The following SPART variants were observed in gnomAD, a reference collection of about 807,000 sequenced individuals.
The protein encoded by SPART is spartin.
In SPART, 35 loss-of-function variants were observed where a neutral mutation model predicts 58.7. The observed-to-expected ratio is 0.60, with a 90% CI of 0.46 to 0.79. The LOEUF is 0.79. Ranked by LOEUF, SPART falls within the 30% of genes least tolerant of loss-of-function variation. The pLI is 0.00. For synonymous variants in SPART, 284 were observed against 280.7 expected (o/e 1.01, Z -0.12); for missense variants, 730 against 786.1 (o/e 0.93, Z 0.85).
At position 36,329,443 on chromosome 13, in the gene SPART, T is replaced by C; in HGVS notation, c.1083A>G (p.Leu361=). The C allele has an allele frequency of 6.2e-7, 1 of 1,614,172 alleles. No individual in the cohort carries two copies. Among genetic ancestry groups the C allele is most frequent in the African/African-American group, 1.3e-5 (1 of 75,066 alleles). Residue 361 remains leucine, a synonymous_variant, in exon 4 of 9, where the codon CTA becomes CTG. Coordinates refer to ENST00000438666, the MANE Select transcript of SPART (RefSeq NM_015087.5). ...TCACATCAGTGCCAGAGGCTTCTTT[T>C]AGTTGGTCAGAGGAGGGTCTAGTTC... The part of the protein sequence containing the change: ...PGRTRPSSDQ[L]KEASGTDVKQ...
At position 36,304,500 on chromosome 13, in the gene SPART, G is replaced by A; in HGVS notation, c.1866C>T (p.His622=). ...MVKKTATQTG[H]TLLEDYQIVD... is the part of the protein sequence containing the mutation. ...CTATCTGATAGTCCTCAAGGAGAGT[G>A]TGTCCTGTTTGTGTTGCAGTTTTCT... Residue 622 remains histidine, a synonymous_variant, in exon 9 of 9, where the codon CAC becomes CAT. Coordinates refer to ENST00000438666, the MANE Select transcript of SPART (RefSeq NM_015087.5). 1 of 1,614,090 alleles carries A rather than the reference G, an allele frequency of 6.2e-7. No individual in the cohort carries two copies. Among genetic ancestry groups the A allele is most frequent in the Non-Finnish European group, 8.5e-7 (1 of 1,180,018 alleles).
intron 5 of SPART, among the ~76,000 whole-genome samples, chr13:36,321,791 C>A (rs1882430753): frequency 6.6e-6 from 1 of 152,330 alleles, no homozygotes; most frequent in African/African-American, 2.4e-5. Context: ...GTGACTTGCA[C>A]ATATACGCCC....
chr13:36,335,574 T>G lies in SPART; in HGVS notation c.257A>C (p.Gln86Pro), dbSNP rs769980473. ...QMQQKMKETL[Q>P]NVRTRLEILE... is the part of the protein sequence containing the mutation. ...AATTTCCAGCCTGGTGCGTACATTCTGTAGAGTTTCTTTCATTTTCTGTTG... is the reference window on the plus strand; with the variant it reads ...AATTTCCAGCCTGGTGCGTACATTCGGTAGAGTTTCTTTCATTTTCTGTTG... Residue 86 changes from glutamine to proline, a missense_variant, in exon 2 of 9, where the codon CAG becomes CCG. Gln to Pro is a moderately conservative substitution (Grantham distance 76). Transcript: ENST00000438666. The G allele has an allele frequency of 6.2e-7, 1 of 1,613,820 alleles. No individual in the cohort carries two copies. Among genetic ancestry groups the G allele is most frequent in the Non-Finnish European group, 8.5e-7 (1 of 1,179,932 alleles).
At chr13:36,329,883 C>T (rs1347049511) in intron 3 of SPART, among the ~76,000 whole-genome samples, 1 of 152,110 alleles carries the variant, frequency 6.6e-6, no homozygotes, top group African/African-American at 2.4e-5. Context: ...AGGCAATTAA[C>T]AAAACTCATG....
intron 1 of SPART, among the ~76,000 whole-genome samples, chr13:36,359,688 T>C (rs1361253731): frequency 6.6e-6 from 1 of 152,118 alleles, no homozygotes; most frequent in Non-Finnish European, 1.5e-5. Flanking sequence ...AGACAGCAAA[T>C]TGCAGTAGTC....
intron 5 of SPART, among the ~76,000 whole-genome samples, chr13:36,321,774 G>A (rs373073704): frequency 9.9e-5 from 15 of 152,102 alleles, no homozygotes; most frequent in African/African-American, 1.9e-4. Context: ...AAGCCATCGC[G>A]TCCCCTGTGA....
chr13:36,346,199 C>G (rs1347058456), intron 1 of SPART, 26 bp downstream of exon 1: 4 of 150,494 alleles, frequency 2.7e-5, no homozygotes, highest in African/African-American at 9.8e-5. Context: ...AGGGACCGCG[C>G]AGGGGTGAAC....
intron 8 of SPART, chr13:36,308,459 A>C (rs186116353): frequency 6.6e-6 from 1 of 152,264 alleles, no homozygotes; most frequent in East Asian, 1.9e-4. Flanking sequence ...GGAAGAAAGG[A>C]TAAAAAGAAT....
intron 1 of SPART, among the ~76,000 whole-genome samples, chr13:36,357,060 G>T (rs180970408): frequency 6.6e-6 from 1 of 152,134 alleles, no homozygotes; most frequent in Non-Finnish European, 1.5e-5. Context: ...CCCTTTCCTC[G>T]TAAAGGCTGC....
intron 1 of SPART, among the ~76,000 whole-genome samples, chr13:36,358,820 A>C (rs922920743): frequency 1.3e-5 from 2 of 152,228 alleles, no homozygotes; most frequent in Non-Finnish European, 2.9e-5. Flanking sequence ...CCAAGTCTTT[A>C]AGTTACTCCA....
intron 3 of SPART, among the ~76,000 whole-genome samples, chr13:36,329,817 T>A (rs1316213300): frequency 6.6e-6 from 1 of 152,234 alleles, no homozygotes; most frequent in Non-Finnish European, 1.5e-5. Context: ...CAGCTACATT[T>A]AAATTTAATT....
intron 1 of SPART, among the ~76,000 whole-genome samples, chr13:36,340,411 A>G (rs1378889946): frequency 6.6e-6 from 1 of 152,048 alleles, no homozygotes; most frequent in African/African-American, 2.4e-5. Context: ...TTTCACACCA[A>G]GAAACATACC....
At chr13:36,361,825 T>G (rs570604941) in intron 1 of SPART, among the ~76,000 whole-genome samples, 87 of 152,364 alleles carry the variant, frequency 5.7e-4, no homozygotes, top group Admixed American at 9.8e-4. Flanking sequence ...AGAAAGCTAT[T>G]ACTGATGACT....
intron 8 of SPART, among the ~76,000 whole-genome samples, chr13:36,309,433 C>T: frequency 6.6e-6 from 1 of 152,120 alleles, no homozygotes; most frequent in South Asian, 2.1e-4. Flanking sequence ...CACATGCACT[C>T]ACTCACATGT....
At chr13:36,351,048 C>G (rs976257636), upstream of SPART, among the ~76,000 whole-genome samples, 1 of 152,166 alleles carries the variant, frequency 6.6e-6, no homozygotes, top group African/African-American at 2.4e-5. Context: ...GAGTTTGAAG[C>G]CACCTTCATC....
At chr13:36,311,493 A>G (rs1342858534) in intron 8 of SPART, among the ~76,000 whole-genome samples, 2 of 152,218 alleles carry the variant, frequency 1.3e-5, no homozygotes, top group Non-Finnish European at 2.9e-5. Context: ...AACATGGGGT[A>G]TAAGAGTTTA....
chr13:36,330,238 G>A (rs1221712929), intron 3 of SPART, among the ~76,000 whole-genome samples: 1 of 152,210 alleles, frequency 6.6e-6, no homozygotes, highest in Non-Finnish European at 1.5e-5. Flanking sequence ...AAACAGTGAA[G>A]TGAAGATGAA....
At chr13:36,316,042 G>A (rs1156845858) in intron 5 of SPART, among the ~76,000 whole-genome samples, 1 of 152,226 alleles carries the variant, frequency 6.6e-6, no homozygotes, top group African/African-American at 2.4e-5. Flanking sequence ...TTCATCGGTA[G>A]CTATGTAGAT....
At chr13:36,355,840 C>CA (rs57777973) in intron 1 of SPART, among the ~76,000 whole-genome samples, 69,377 of 151,410 alleles carry the variant, frequency 0.46, 17,090 homozygotes, top group Non-Finnish European at 0.56. Flanking sequence ...AAAGTAATGG[C>CA]AAAAAAAACC....
Sources: gnomAD v4.1 joint callset for allele counts (sites outside exome capture counted in the v4.1 genomes callset) on GRCh38, gnomAD v4.1.1 for gene constraint, MANE v1.5 for transcripts, NCBI Gene and HGNC (gene_info 2026-07-23, HGNC 2026-07-21) for gene names.